DNA2: variants seen among roughly 807,000 people sequenced by gnomAD.
DNA2 encodes DNA replication ATP-dependent helicase/nuclease DNA2.
DNA2 carries 101 observed loss-of-function variants against 119.1 expected under a neutral mutation model. The observed-to-expected ratio is 0.85, with a 90% confidence interval of 0.72 to 1.00. The LOEUF (loss-of-function observed/expected upper bound fraction) is 1.00, where lower values mean the gene tolerates loss of function less well. Ranked by LOEUF, DNA2 falls within the 50% of genes least tolerant of loss-of-function variation. The pLI is 0.00. For synonymous variants in DNA2, 366 were observed against 424.4 expected, an observed-to-expected ratio of 0.86 and a Z score of 1.69; for missense variants, 1,121 against 1,255.5, an observed-to-expected ratio of 0.89 and a Z score of 1.62.
rs1360445467 is a variant in DNA2 at position 68,416,301 on chromosome 10, C to CA, written c.3114+407dup. On this transcript the variant is annotated intron_variant, in intron 20 of 20. Transcript: ENST00000358410. ...GCAACATGGTGAAACCCTGTCTTTACAAAAAAATACAAAAATTAGCTGGGC... is the reference window on the plus strand; with the variant it reads ...GCAACATGGTGAAACCCTGTCTTTACAAAAAAAATACAAAAATTAGCTGGGC... Among the ~76,000 whole-genome samples, 7 of 151,604 alleles carry CA rather than the reference C, an allele frequency of 4.6e-5. No homozygotes were observed. In the East Asian group the frequency reaches 1.2e-3, roughly 25 times the overall value.
chr10:68,452,737 A>ATTT (rs35788452), intron 5 of DNA2, among the ~76,000 whole-genome samples: 40 of 90,136 alleles, frequency 4.4e-4, no homozygotes, highest in Non-Finnish European at 5.9e-4. Flanking sequence ...ACGCCCAGCT[A>ATTT]TTTTTTTTTT....
At chr10:68,472,168 A>G (rs1353549262), upstream of DNA2, 1 of 1,309,708 alleles carries the variant, frequency 7.6e-7, no homozygotes, top group Non-Finnish European at 9.9e-7. Flanking sequence ...TGACACTCCA[A>G]CCCGTGTCCG....
chr10:68,419,357 G>A, intron 18 of DNA2, 144 bp from the exon 19 acceptor site: 1 of 641,202 alleles, frequency 1.6e-6, no homozygotes, highest in South Asian at 2.4e-5. Context: ...TACAATTACT[G>A]AATTTGCTCT....
At position 68,465,814 on chromosome 10, in the gene DNA2, T is replaced by C. The variant is rs1186936544; in HGVS notation, c.442-2A>G. On this transcript the variant is annotated splice_acceptor_variant, in intron 3 of 20. Transcript: ENST00000358410. LOFTEE classifies it high-confidence loss of function. Reference sequence around the variant, plus strand: ...TTGGCGTGTGGCTGGATCAGAGCTCTACAAAAGCAAATCACACAGTTTATT... The same window carrying C: ...TTGGCGTGTGGCTGGATCAGAGCTCCACAAAAGCAAATCACACAGTTTATT... The C allele has an allele frequency of 1.3e-6, 2 of 1,524,512 alleles. No individual in the cohort carries two copies. The allele number at this position is 1,524,512 out of a possible 1,614,324, so 94.4% of individuals were successfully genotyped here.
chr10:68,444,581 G>A (rs781303945), intron 8 of DNA2, among the ~76,000 whole-genome samples: 12 of 151,530 alleles, frequency 7.9e-5, no homozygotes, highest in East Asian at 3.9e-4. Context: ...AAAATTAGCC[G>A]GGAATGGTAG....
intron 20 of DNA2, among the ~76,000 whole-genome samples, chr10:68,415,739 C>T (rs920496606): frequency 4.6e-5 from 7 of 151,166 alleles, no homozygotes; most frequent in East Asian, 2.0e-4. Context: ...CTACAACCTC[C>T]GCCTCCCGGG....
rs368778086 is a variant in DNA2 at position 68,445,025 on chromosome 10, A to G, written c.1116T>C (p.Ser372=). 1.6e-4 allele frequency: 264 copies of G among 1,613,184 alleles called. No individual in the cohort carries two copies. Among genetic ancestry groups the G allele is most frequent in the Non-Finnish European group, 2.2e-4 (261 of 1,179,524 alleles). The change falls in exon 8 of 21, where the codon TCT becomes TCC. Residue 372 remains serine, a synonymous_variant. Transcript: ENST00000358410. ...CAAGCTGTGTCTTCTGTCTAGTAGCAGATTTGCTAATACGGTGAAACAATG... is the reference window on the plus strand; with the variant it reads ...CAAGCTGTGTCTTCTGTCTAGTAGCGGATTTGCTAATACGGTGAAACAATG... ...AFSLFHRISK[S]ATRQKTQLAS... is the part of the protein sequence containing the mutation.
intron 5 of DNA2, among the ~76,000 whole-genome samples, chr10:68,454,688 C>G (rs576506130): frequency 1.3e-5 from 2 of 151,926 alleles, no homozygotes; most frequent in East Asian, 3.9e-4. Flanking sequence ...CGCCTGTAAT[C>G]CCAGCTACTC....
At chr10:68,415,594 G>A (rs1430461710) in intron 20 of DNA2, among the ~76,000 whole-genome samples, 1 of 151,376 alleles carries the variant, frequency 6.6e-6, no homozygotes, top group African/African-American at 2.4e-5. Flanking sequence ...ATTTATCTTA[G>A]CCTACTTCAT....
chr10:68,416,821 T>C lies in DNA2; in HGVS notation c.3002A>G (p.Asn1001Ser). Residue 1001 changes from asparagine to serine, a missense_variant, in exon 20 of 21, where the codon AAT becomes AGT. Asn to Ser is a conservative substitution (Grantham distance 46). Coordinates refer to ENST00000358410, the MANE Select transcript of DNA2 (RefSeq NM_001080449.3). ...GELLKDWRRL[N>S]VAITRAKHKL... ...ATGTTTGGCTCTGGTTATAGCAACA[T>C]TAAGACGTCGCCAATCTTTCAAGAG... 2.5e-6 allele frequency: 4 copies of C among 1,611,798 alleles called. 1 individual carries two copies. The South Asian group carries it at 3.3e-5, about 13-fold the overall frequency.
At chr10:68,430,362 C>T in intron 14 of DNA2, 74 bp downstream of exon 14, 1 of 1,081,144 alleles carries the variant, frequency 9.2e-7, no homozygotes. Context: ...CTAAATTTCC[C>T]AGAGTACAGT....
intron 12 of DNA2, 71 bp downstream of exon 12, chr10:68,432,135 A>AG (rs2051830504): frequency 5.0e-6 from 6 of 1,204,466 alleles, no homozygotes; most frequent in Non-Finnish European, 7.1e-6. Flanking sequence ...TAATCAAGAT[A>AG]TTAGACTACA....
intron 4 of DNA2, among the ~76,000 whole-genome samples, chr10:68,460,854 G>A (rs935472519): frequency 6.6e-6 from 1 of 151,422 alleles, no homozygotes; most frequent in Admixed American, 6.6e-5. Flanking sequence ...GAGGTTACGT[G>A]ACCTGTGATC....
chr10:68,437,791 T>G (rs1408800349), intron 9 of DNA2, among the ~76,000 whole-genome samples: 4 of 152,052 alleles, frequency 2.6e-5, no homozygotes, highest in South Asian at 4.2e-4. Flanking sequence ...TGAGACACCC[T>G]CCGACCCCCA....
chr10:68,471,641 G>A (rs2052382519), intron 1 of DNA2, 150 bp downstream of exon 1: 4 of 933,460 alleles, frequency 4.3e-6, no homozygotes, highest in East Asian at 2.9e-5. Flanking sequence ...GGCAGGCCCC[G>A]ACTCCGGAGG....
At chr10:68,467,927 T>G (rs1319825379) in intron 3 of DNA2, among the ~76,000 whole-genome samples, 196 bp downstream of exon 3, 1 of 152,188 alleles carries the variant, frequency 6.6e-6, no homozygotes, top group Non-Finnish European at 1.5e-5. Context: ...GTCCTAGCAC[T>G]GCCACCTCAT....
intron 1 of DNA2, chr10:68,470,403 A>AT (rs2052371201): frequency 2.3e-6 from 1 of 441,048 alleles, no homozygotes; most frequent in Non-Finnish European, 4.1e-6. Flanking sequence ...GAGATTTTCC[A>AT]TTTTAATTTC....
intron 1 of DNA2, 50 bp from the exon 2 acceptor site, chr10:68,470,213 G>A (rs2052369630): frequency 6.1e-6 from 9 of 1,466,608 alleles, no homozygotes; most frequent in Non-Finnish European, 5.5e-6. Context: ...GAAATAAGAA[G>A]CCATCCAATA....
Position 68,446,281 on chromosome 10 carries a change from A to G in DNA2, c.1057+15T>C. 1.3e-6 allele frequency: 2 copies of G among 1,496,106 alleles called. No individual in the cohort carries two copies. The highest frequency in any genetic ancestry group is 1.8e-6 in the Non-Finnish European group (2 of 1,103,476). The allele number at this position is 1,496,106 out of a possible 1,614,324, so 92.7% of individuals were successfully genotyped here. ...GGTGGGCAAAGAAGTAAAACTAAAA[A>G]AAAAACGGCTCAACCTCTTTTATCT... On this transcript the variant is annotated intron_variant, in intron 7 of 20. Coordinates refer to ENST00000358410, the MANE Select transcript of DNA2 (RefSeq NM_001080449.3).
Sources: allele counts gnomAD v4.1 joint callset (sites outside exome capture counted in the v4.1 genomes callset), GRCh38; gene constraint gnomAD v4.1.1; transcripts MANE v1.5; gene names NCBI Gene and HGNC (gene_info 2026-07-23, HGNC 2026-07-21).